SLC35F3: variants seen among roughly 807,000 people sequenced by gnomAD.
SLC35F3 encodes the protein solute carrier family 35 member F3.
In SLC35F3, 25 loss-of-function variants were observed where a neutral mutation model predicts 49.9. That is an observed-to-expected ratio of 0.50 (90% CI 0.37 to 0.70). The LOEUF (loss-of-function observed/expected upper bound fraction) is 0.70, where lower values mean the gene tolerates loss of function less well. Among genes scored for constraint, SLC35F3 ranks in the 30% least tolerant of loss-of-function variants. SLC35F3 has a pLI of 0.00. For missense variants in SLC35F3, 525 were observed against 639.8 expected (o/e 0.82, Z 1.94); for synonymous variants, 275 against 265.4 (o/e 1.04, Z -0.35).
intron 3 of SLC35F3, among the ~76,000 whole-genome samples, chr1:234,247,805 C>CATTGTTTGATGGGTCAGTTGGCTGGTG (rs1667661624): frequency 3.6e-5 from 1 of 27,702 alleles, no homozygotes. Context: ...GTTGGCTGGT[C>CATTGTTTGATGGGTCAGTTGGCTGGTG]CATTGTTTCA....
At chr1:234,096,848 A>G (rs1665132327) in intron 2 of SLC35F3, among the ~76,000 whole-genome samples, 1 of 151,676 alleles carries the variant, frequency 6.6e-6, no homozygotes, top group South Asian at 2.1e-4. Flanking sequence ...CAGCAGTGGA[A>G]TTGCTGGATC....
chr1:234,124,626 G>A (rs894221206), intron 2 of SLC35F3, among the ~76,000 whole-genome samples: 4 of 152,186 alleles, frequency 2.6e-5, no homozygotes, highest in African/African-American at 9.6e-5. Flanking sequence ...CAGTGCTTTG[G>A]GAGGCTGCGG....
intron 2 of SLC35F3, among the ~76,000 whole-genome samples, chr1:234,080,940 C>CA (rs890394152): frequency 3.1e-4 from 47 of 151,230 alleles, no homozygotes; most frequent in Non-Finnish European, 4.4e-4. Context: ...TAAAAAATTG[C>CA]AAAAAAAACC....
chr1:233,973,373 G>T (rs1663025431), intron 2 of SLC35F3, among the ~76,000 whole-genome samples: 1 of 152,200 alleles, frequency 6.6e-6, no homozygotes, highest in Non-Finnish European at 1.5e-5. Context: ...CCATGTTCAG[G>T]CACATGAGGT....
At chr1:234,163,604 A>G (rs554148113) in intron 2 of SLC35F3, among the ~76,000 whole-genome samples, 2 of 152,346 alleles carry the variant, frequency 1.3e-5, no homozygotes, top group Admixed American at 6.5e-5. Flanking sequence ...TGGGGCTGCT[A>G]TGCCTGTCCA....
chr1:234,211,337 AGAGG>A (rs1667043761), intron 2 of SLC35F3, among the ~76,000 whole-genome samples: 3 of 152,210 alleles, frequency 2.0e-5, no homozygotes, highest in Non-Finnish European at 4.4e-5. Flanking sequence ...AGCTATGAGA[AGAGG>A]GCCACTGTCC....
intron 2 of SLC35F3, among the ~76,000 whole-genome samples, chr1:234,131,077 A>G (rs1378254306): frequency 6.6e-6 from 1 of 152,192 alleles, no homozygotes; most frequent in Non-Finnish European, 1.5e-5. Context: ...AGAGAGACAA[A>G]GCTGATCTGC....
At chr1:233,966,168 C>T (rs1662902556) in intron 2 of SLC35F3, among the ~76,000 whole-genome samples, 1 of 152,126 alleles carries the variant, frequency 6.6e-6, no homozygotes, top group Admixed American at 6.5e-5. Flanking sequence ...AAAAAGCTTA[C>T]ATTTGGGAAG....
Position 234,180,557 on chromosome 1 carries a change from T to C in SLC35F3, c.284-50860T>C, listed in dbSNP as rs74147550. On this transcript the variant is annotated intron_variant, in intron 2 of 7. Coordinates refer to ENST00000366618, the MANE Select transcript of SLC35F3 (RefSeq NM_173508.4). Reference sequence around the variant, plus strand: ...CCTTTATCTAACTCCAGGCATCTGGTTAGGAGAGATCATGTCGCTAAATTT... The same window carrying C: ...CCTTTATCTAACTCCAGGCATCTGGCTAGGAGAGATCATGTCGCTAAATTT... Among the ~76,000 whole-genome samples the C allele has an allele frequency of 5.4e-3, 816 of 152,258 alleles. 13 individuals carry two copies. The highest frequency in any genetic ancestry group is 0.019 in the African/African-American group (781 of 41,554).
At chr1:234,252,198 T>G (rs1415741697) in intron 3 of SLC35F3, among the ~76,000 whole-genome samples, 2 of 152,012 alleles carry the variant, frequency 1.3e-5, no homozygotes, top group Admixed American at 6.6e-5. Flanking sequence ...GCCTCCAAAG[T>G]AGTTGGGATT....
intron 2 of SLC35F3, among the ~76,000 whole-genome samples, chr1:233,984,324 G>C (rs969080388): frequency 6.6e-6 from 1 of 152,230 alleles, no homozygotes; most frequent in East Asian, 1.9e-4. Flanking sequence ...AGTAGGACCA[G>C]ATATGCACAC....
At chr1:234,234,099 G>A (rs1572107371) in intron 3 of SLC35F3, among the ~76,000 whole-genome samples, 2 of 152,204 alleles carry the variant, frequency 1.3e-5, no homozygotes, top group East Asian at 3.9e-4. Context: ...GATTCTCAGA[G>A]ATCAAGGAAG....
intron 2 of SLC35F3, among the ~76,000 whole-genome samples, chr1:234,022,945 G>T (rs978937381): frequency 2.6e-5 from 4 of 152,154 alleles, no homozygotes; most frequent in Non-Finnish European, 5.9e-5. Flanking sequence ...TCTATTAGAG[G>T]TGTCAAACAA....
intron 2 of SLC35F3, among the ~76,000 whole-genome samples, chr1:234,009,051 A>G (rs1228406325): frequency 1.3e-5 from 2 of 152,234 alleles, no homozygotes; most frequent in African/African-American, 2.4e-5. Context: ...TTTTAACTTC[A>G]ACATAGTTTT....
chr1:234,318,661 C>T, intron 5 of SLC35F3, 90 bp from the exon 6 acceptor site: 1 of 1,192,032 alleles, frequency 8.4e-7, no homozygotes, highest in Non-Finnish European at 1.2e-6. Flanking sequence ...CAGTGCAAAC[C>T]CAGCGTTGTG....
chr1:234,156,875 T>G (rs546274569), intron 2 of SLC35F3, among the ~76,000 whole-genome samples: 41 of 152,254 alleles, frequency 2.7e-4, no homozygotes, highest in African/African-American at 9.6e-4. Flanking sequence ...GGGCACATGT[T>G]GTATAACACC....
intron 2 of SLC35F3, among the ~76,000 whole-genome samples, chr1:234,052,778 G>A (rs1392167209): frequency 6.6e-6 from 1 of 152,132 alleles, no homozygotes; most frequent in East Asian, 1.9e-4. Context: ...GGCATTTAGT[G>A]CTATAAATTT....
At chr1:234,031,515 A>C (rs1664062063) in intron 2 of SLC35F3, among the ~76,000 whole-genome samples, 1 of 152,162 alleles carries the variant, frequency 6.6e-6, no homozygotes, top group African/African-American at 2.4e-5. Context: ...TATCCAAGAT[A>C]ATCCATTTGC....
intron 2 of SLC35F3, among the ~76,000 whole-genome samples, chr1:234,117,932 G>GTATATATATATATATATATA (rs1373405963): frequency 3.9e-5 from 2 of 51,798 alleles, no homozygotes; most frequent in South Asian, 1.1e-3. Context: ...GTGTGTGTGT[G>GTATATATATATATATATATA]TGTGTGTGTG....
Sources: allele counts gnomAD v4.1 joint callset (sites outside exome capture counted in the v4.1 genomes callset), GRCh38; gene constraint gnomAD v4.1.1; transcripts MANE v1.5; gene names NCBI Gene and HGNC (gene_info 2026-07-23, HGNC 2026-07-21).